BBS9: variants seen among roughly 807,000 people sequenced by gnomAD.
BBS9 encodes the protein protein PTHB1.
In BBS9, 89 loss-of-function variants were observed where a neutral mutation model predicts 117.7. That is an observed-to-expected ratio of 0.76 (90% CI 0.64 to 0.90). The LOEUF (loss-of-function observed/expected upper bound fraction) is 0.90, where lower values mean the gene tolerates loss of function less well. Ranked by LOEUF, BBS9 falls within the 40% of genes least tolerant of loss-of-function variation. The pLI is 0.00. For synonymous variants in BBS9, 379 were observed against 370.9 expected (o/e 1.02, Z -0.25); for missense variants, 982 against 1,042.2 (o/e 0.94, Z 0.80).
rs567961066 is a variant in BBS9, at chr7:33,527,251, C to T, written c.2299-6703C>T. ...GTGGAGCCTACAGAAGCAGGCAGGC[C>T]TCCTTGAGTTGTGTTGGGCTCCCCC... On this transcript the variant is annotated intron_variant, in intron 20 of 22. Transcript: ENST00000242067. Among the ~76,000 whole-genome samples the T allele has an allele frequency of 1.3e-4, 20 of 152,326 alleles. 1 individual carries two copies. Among genetic ancestry groups the T allele is most frequent in the African/African-American group, 4.1e-4 (17 of 41,582 alleles).
chr7:33,377,074 C>G (rs901976554), intron 17 of BBS9, among the ~76,000 whole-genome samples: 8 of 152,032 alleles, frequency 5.3e-5, no homozygotes, highest in African/African-American at 1.9e-4. Flanking sequence ...GTCATACTTG[C>G]TTTTGTTGCA....
At chr7:33,226,479 A>C (rs1791296731) in intron 5 of BBS9, among the ~76,000 whole-genome samples, 1 of 152,204 alleles carries the variant, frequency 6.6e-6, no homozygotes, top group South Asian at 2.1e-4. Context: ...ATATGGCTAG[A>C]ATGGCTAGAA....
At chr7:33,418,981 C>T (rs2081902594) in intron 19 of BBS9, among the ~76,000 whole-genome samples, 1 of 152,104 alleles carries the variant, frequency 6.6e-6, no homozygotes. Context: ...CTTTTATTTT[C>T]TGCTCCCTGT....
intron 9 of BBS9, among the ~76,000 whole-genome samples, chr7:33,284,458 A>G (rs1802503060): frequency 1.3e-5 from 2 of 152,076 alleles, no homozygotes; most frequent in African/African-American, 4.8e-5. Context: ...GATTGCTTGT[A>G]GAATGTTTTT....
At position 33,469,067 on chromosome 7, in the gene BBS9, A is replaced by G. The variant is rs931936455; in HGVS notation, c.2116-36396A>G. On this transcript the variant is annotated intron_variant, in intron 19 of 22. Transcript: ENST00000242067. ...CTGCTCTTTTGGAGGTTTTATTAAT[A>G]ACCACTTTTACAGTAGAGTAGATTG... is the stretch of plus-strand genomic sequence containing the variant. Among the ~76,000 whole-genome samples, 23 of 152,124 alleles carry G rather than the reference A, an allele frequency of 1.5e-4. 1 individual carries two copies. Among genetic ancestry groups the G allele is most frequent in the Non-Finnish European group, 2.5e-4 (17 of 67,978 alleles).
At chr7:33,240,790 A>C (rs1794372062) in intron 5 of BBS9, among the ~76,000 whole-genome samples, 1 of 152,086 alleles carries the variant, frequency 6.6e-6, no homozygotes, top group Non-Finnish European at 1.5e-5. Flanking sequence ...CAGTAAAAAA[A>C]TTTTACGTTT....
chr7:33,214,808 A>G (rs1788727095), intron 5 of BBS9, among the ~76,000 whole-genome samples: 1 of 152,260 alleles, frequency 6.6e-6, no homozygotes, highest in Admixed American at 6.5e-5. Flanking sequence ...ATCCCTGTCA[A>G]AATACTGATA....
chr7:33,569,813 T>C (rs1253296535), intron 21 of BBS9, among the ~76,000 whole-genome samples: 1 of 152,152 alleles, frequency 6.6e-6, no homozygotes, highest in East Asian at 1.9e-4. Context: ...GACGAATGTG[T>C]GCATGCACAT....
At chr7:33,586,990 A>T (rs933244656) in intron 21 of BBS9, among the ~76,000 whole-genome samples, 1 of 152,082 alleles carries the variant, frequency 6.6e-6, no homozygotes, top group Admixed American at 6.6e-5. Context: ...GCCAAGCTTC[A>T]GGATCACACA....
At chr7:33,534,382 G>C (rs1851049396) in intron 21 of BBS9, 1 of 614,810 alleles carries the variant, frequency 1.6e-6, no homozygotes, top group Non-Finnish European at 2.9e-6. Context: ...TTCCAGAATG[G>C]TATGTCTTTT....
Position 33,349,086 on chromosome 7 carries a change from G to C in BBS9, c.1348G>C (p.Val450Leu). The C allele has an allele frequency of 6.2e-7, 1 of 1,609,744 alleles. No homozygotes were observed. Among genetic ancestry groups the C allele is most frequent in the East Asian group, 2.2e-5 (1 of 44,768 alleles). Residue 450 changes from valine (V) to leucine (L), a missense_variant, in exon 13 of 23, where the codon GTG becomes CTG. Val to Leu is a conservative substitution (Grantham distance 32). Coordinates refer to ENST00000242067, the MANE Select transcript of BBS9 (RefSeq NM_198428.3). ...TCCTTAGGTCACACTGCAGAACAGA[G>C]TGATATTGCAAAAAGCCAAATTATC... ...VTVKVTLQNR[V>L]ILQKAKLSVY...
At chr7:33,560,817 A>G (rs181670392) in intron 21 of BBS9, among the ~76,000 whole-genome samples, 6 of 152,144 alleles carry the variant, frequency 3.9e-5, no homozygotes, top group African/African-American at 1.4e-4. Flanking sequence ...CAGCCTTCTC[A>G]TCAGGAAGGT....
intron 8 of BBS9, 138 bp from the exon 9 acceptor site, chr7:33,273,689 A>T: frequency 1.3e-6 from 1 of 797,848 alleles, no homozygotes; most frequent in Non-Finnish European, 2.0e-6. Flanking sequence ...GTTACAAAAT[A>T]ATGTTTTATT....
At chr7:33,365,464 G>T (rs927507597) in intron 16 of BBS9, among the ~76,000 whole-genome samples, 16 of 152,232 alleles carry the variant, frequency 1.1e-4, no homozygotes, top group Non-Finnish European at 1.0e-4. Flanking sequence ...GGTATCCTCA[G>T]TTGCCAACTC....
At chr7:33,177,893 T>G (rs376821898) in intron 5 of BBS9, 2 of 304,840 alleles carry the variant, frequency 6.6e-6, no homozygotes, top group East Asian at 1.5e-4. Flanking sequence ...GATTTTTATA[T>G]AACCAGCATA....
chr7:33,284,231 T>C (rs1354480128), intron 9 of BBS9, among the ~76,000 whole-genome samples: 1 of 152,200 alleles, frequency 6.6e-6, no homozygotes, highest in Non-Finnish European at 1.5e-5. Context: ...TTTGGTAGGC[T>C]TCAAAGTTTG....
intron 21 of BBS9, among the ~76,000 whole-genome samples, chr7:33,547,132 C>T (rs1201028554): frequency 6.6e-6 from 1 of 152,032 alleles, no homozygotes; most frequent in Non-Finnish European, 1.5e-5. Context: ...AGCTACAGAG[C>T]TATAGTTGGG....
At chr7:33,522,707 C>T (rs1247889624) in intron 20 of BBS9, among the ~76,000 whole-genome samples, 2 of 149,962 alleles carry the variant, frequency 1.3e-5, no homozygotes, top group African/African-American at 4.9e-5. Context: ...TGCCTGTTCA[C>T]TCTGATGGTA....
At chr7:33,533,571 A>C (rs1375733721) in intron 20 of BBS9, 2 of 224,014 alleles carry the variant, frequency 8.9e-6, no homozygotes, top group Non-Finnish European at 1.8e-5. Context: ...ATAAGGCAAA[A>C]CAAACTATAA....
Sources: gnomAD v4.1 joint callset for allele counts (sites outside exome capture counted in the v4.1 genomes callset) on GRCh38, gnomAD v4.1.1 for gene constraint, MANE v1.5 for transcripts, NCBI Gene and HGNC (gene_info 2026-07-23, HGNC 2026-07-21) for gene names.